The following AIG1 variants were observed in gnomAD, a reference collection of about 807,000 sequenced individuals.
AIG1 encodes the protein androgen-induced gene 1 protein.
A neutral mutation model predicts 31.4 loss-of-function variants in AIG1; 23 were observed. That is an observed-to-expected ratio of 0.73 (90% CI 0.53 to 1.04). The LOEUF (loss-of-function observed/expected upper bound fraction) is 1.04. Ranked by LOEUF, AIG1 falls within the 50% of genes least tolerant of loss-of-function variation. The probability of loss-of-function intolerance (pLI) is 0.00; values close to 1 mark genes in which losing one functional copy is unlikely to be tolerated. For missense variants in AIG1, 274 were observed against 295.0 expected, an observed-to-expected ratio of 0.93 and a Z score of 0.52; for synonymous variants, 100 against 110.5, an observed-to-expected ratio of 0.90 and a Z score of 0.60.
chr6:143,160,703 T>A (rs1320703773), intron 2 of AIG1, among the ~76,000 whole-genome samples: 2 of 152,176 alleles, frequency 1.3e-5, no homozygotes, highest in Non-Finnish European at 2.9e-5. Flanking sequence ...GAGTTCAAAT[T>A]TATTTTGGGT....
intron 3 of AIG1, among the ~76,000 whole-genome samples, chr6:143,273,499 T>C (rs527968321): frequency 6.6e-6 from 1 of 152,284 alleles, no homozygotes; most frequent in African/African-American, 2.4e-5. Flanking sequence ...TGCTCTCTCT[T>C]CTTGCATTCT....
chr6:143,332,554 G>C (rs189957827), intron 4 of AIG1, among the ~76,000 whole-genome samples: 2 of 152,172 alleles, frequency 1.3e-5, no homozygotes, highest in African/African-American at 2.4e-5. Context: ...GGAGTGGGAA[G>C]CTGGTACCTG....
At chr6:143,114,792 T>C (rs1781598927) in intron 1 of AIG1, among the ~76,000 whole-genome samples, 2 of 152,344 alleles carry the variant, frequency 1.3e-5, no homozygotes, top group Middle Eastern at 3.4e-3. Context: ...TTTCTTCTTA[T>C]GTGTTTTAAT....
chr6:143,082,119 A>G (rs1475896199), intron 1 of AIG1, among the ~76,000 whole-genome samples: 1 of 152,168 alleles, frequency 6.6e-6, no homozygotes, highest in East Asian at 1.9e-4. Context: ...ATGGGCATGG[A>G]GGACTAGGTA....
intron 4 of AIG1, among the ~76,000 whole-genome samples, chr6:143,305,602 A>C (rs1799211358): frequency 1.3e-5 from 2 of 151,948 alleles, no homozygotes; most frequent in African/African-American, 2.4e-5. Flanking sequence ...GTTTGTTATA[A>C]TTTCTGTTCT....
intron 4 of AIG1, among the ~76,000 whole-genome samples, chr6:143,306,606 C>T (rs907583297): frequency 1.4e-3 from 218 of 152,206 alleles, no homozygotes; most frequent in African/African-American, 4.8e-3. Context: ...GTGGGTAACC[C>T]GACCTTTCTC....
chr6:143,246,468 A>G (rs1794632156), intron 3 of AIG1, among the ~76,000 whole-genome samples: 1 of 152,116 alleles, frequency 6.6e-6, no homozygotes, highest in East Asian at 1.9e-4. Context: ...AGAACAGCAC[A>G]GGAAAGACCT....
At chr6:143,253,649 A>G (rs1428908090) in intron 3 of AIG1, among the ~76,000 whole-genome samples, 1 of 152,224 alleles carries the variant, frequency 6.6e-6, no homozygotes, top group Non-Finnish European at 1.5e-5. Flanking sequence ...TAGTTATTCT[A>G]TGAAGTCCTC....
chr6:143,269,755 T>C (rs1411049124), intron 3 of AIG1, among the ~76,000 whole-genome samples: 1 of 152,154 alleles, frequency 6.6e-6, no homozygotes, highest in Non-Finnish European at 1.5e-5. Flanking sequence ...TTTATACAAA[T>C]GTAAACATCG....
At chr6:143,173,933 T>C (rs1458247417) in intron 3 of AIG1, among the ~76,000 whole-genome samples, 1 of 152,200 alleles carries the variant, frequency 6.6e-6, no homozygotes, top group African/African-American at 2.4e-5. Context: ...AAGTCCATTG[T>C]TTCTCTGTTG....
intron 3 of AIG1, among the ~76,000 whole-genome samples, chr6:143,180,361 G>A (rs537062481): frequency 5.3e-5 from 8 of 152,176 alleles, no homozygotes; most frequent in African/African-American, 1.4e-4. Context: ...AAACAGCTCC[G>A]CAAGCCAACA....
chr6:143,288,768 A>G lies in AIG1; in HGVS notation c.515+4543A>G, dbSNP rs1382764919. On this transcript the variant is annotated intron_variant, in intron 4 of 5. Transcript: ENST00000357847. The surrounding 1 kb of genome is among the most constrained non-coding windows in gnomAD (Gnocchi z 4.4). ...AAAGTGTGCCCAAGATGGTTGGGTT[A>G]CAGTTTGGTTTTATACATTTTAAAG... 6.6e-6 allele frequency among the ~76,000 whole-genome samples: 1 copy of G among 152,190 alleles called. No homozygotes were observed. The highest frequency in any genetic ancestry group is 6.5e-5 in the Admixed American group (1 of 15,280).
At chr6:143,265,587 A>T (rs911562133) in intron 3 of AIG1, among the ~76,000 whole-genome samples, 16 of 152,184 alleles carry the variant, frequency 1.1e-4, no homozygotes, top group African/African-American at 3.9e-4. Context: ...TTAGAAACAA[A>T]CAAAATAAAT....
Position 143,063,289 on chromosome 6 carries a change from G to A in AIG1, c.141+2223G>A, listed in dbSNP as rs543976997. Among the ~76,000 whole-genome samples the A allele has an allele frequency of 2.1e-4, 32 of 152,304 alleles. No individual in the cohort carries two copies. In the Middle Eastern group the frequency reaches 0.01, roughly 49 times the overall value. On this transcript the variant is annotated intron_variant, in intron 1 of 5. Transcript: ENST00000357847. ...CAGAAGTCAGACAGTAGATTCAAATGTGAAACATTTACTTTGCTTCATATT... is the reference window on the plus strand; with the variant it reads ...CAGAAGTCAGACAGTAGATTCAAATATGAAACATTTACTTTGCTTCATATT...
chr6:143,205,296 C>T lies in AIG1; in HGVS notation c.399+40113C>T, dbSNP rs78811074. ...CCAGATAATCTCTTCCAATCCCCTTCTGGAGGAAAAACAGAGCTGTATGAG... is the reference window on the plus strand; with the variant it reads ...CCAGATAATCTCTTCCAATCCCCTTTTGGAGGAAAAACAGAGCTGTATGAG... On this transcript the variant is annotated intron_variant, in intron 3 of 5. Coordinates refer to ENST00000357847, the MANE Select transcript of AIG1 (RefSeq NM_016108.4). Among the ~76,000 whole-genome samples, 1,269 of 152,318 alleles carry T rather than the reference C, an allele frequency of 8.3e-3. 23 individuals are homozygous for T. The highest frequency in any genetic ancestry group is 0.029 in the African/African-American group (1,204 of 41,566).
chr6:143,334,882 C>T lies in AIG1; in HGVS notation c.679+1437C>T, dbSNP rs879867827. Among the ~76,000 whole-genome samples the T allele has an allele frequency of 3.3e-5, 5 of 152,142 alleles. No individual in the cohort carries two copies. Among genetic ancestry groups the T allele is most frequent in the South Asian group, 2.1e-4 (1 of 4,830 alleles). ...CTATGAGAGGATGACCTGAAAACCA[C>T]TAGAGAGAAATATCCACTCTACATT... On this transcript the variant is annotated intron_variant, in intron 5 of 5. Coordinates refer to ENST00000357847, the MANE Select transcript of AIG1 (RefSeq NM_016108.4). This position sits in a 1 kb window ranked among gnomAD's most constrained non-coding sequence, Gnocchi z 5.1.
intron 2 of AIG1, among the ~76,000 whole-genome samples, chr6:143,152,532 A>G (rs1179813705): frequency 6.6e-6 from 1 of 152,190 alleles, no homozygotes; most frequent in Non-Finnish European, 1.5e-5. Context: ...TGTGAGGTTT[A>G]TGGATATCTG....
intron 4 of AIG1, among the ~76,000 whole-genome samples, chr6:143,310,422 A>G (rs919357702): frequency 6.6e-6 from 1 of 151,902 alleles, no homozygotes; most frequent in African/African-American, 2.4e-5. Flanking sequence ...GTGGCAAGAG[A>G]AATTTACAAA....
At chr6:143,309,740 A>C (rs2128706059) in intron 4 of AIG1, among the ~76,000 whole-genome samples, 1 of 152,178 alleles carries the variant, frequency 6.6e-6, no homozygotes, top group South Asian at 2.1e-4. Context: ...AAAATATTAT[A>C]CATGTTTCTA....
Sources: allele counts gnomAD v4.1 joint callset (sites outside exome capture counted in the v4.1 genomes callset), GRCh38; gene constraint gnomAD v4.1.1; non-coding constraint Gnocchi (gnomAD v3.1); transcripts MANE v1.5; gene names NCBI Gene and HGNC (gene_info 2026-07-23, HGNC 2026-07-21).